Variants in ANAPC10 observed in about 807,000 individuals in gnomAD.
The protein encoded by ANAPC10 is anaphase-promoting complex subunit 10.
In ANAPC10, 12 loss-of-function variants were observed where a neutral mutation model predicts 22.0. The ratio of observed to expected loss-of-function variants is 0.55; its 90% CI spans 0.35 to 0.88. The LOEUF (loss-of-function observed/expected upper bound fraction) is 0.88. ANAPC10 is among the 40% of genes least tolerant of loss of function. The pLI, the probability that ANAPC10 is intolerant of heterozygous loss-of-function variation, is 0.01. For synonymous variants in ANAPC10, 65 were observed against 69.5 expected (o/e 0.94, Z 0.32); for missense variants, 188 against 220.9 (o/e 0.85, Z 0.94).
intron 4 of ANAPC10, among the ~76,000 whole-genome samples, chr4:145,054,080 T>C (rs2126349639): frequency 6.6e-6 from 1 of 151,756 alleles, no homozygotes; most frequent in East Asian, 2.0e-4. Flanking sequence ...AGCTAATTTT[T>C]CTAATTTTAG....
intron 4 of ANAPC10, among the ~76,000 whole-genome samples, chr4:145,026,137 C>T (rs1351718054): frequency 6.6e-6 from 1 of 152,162 alleles, no homozygotes; most frequent in East Asian, 1.9e-4. Context: ...CACCTCCCAT[C>T]CCTTGCCACG....
chr4:145,012,436 A>C (rs888796136), intron 4 of ANAPC10, among the ~76,000 whole-genome samples: 4 of 151,984 alleles, frequency 2.6e-5, no homozygotes, highest in Non-Finnish European at 5.9e-5. Flanking sequence ...CAAAAAGAAA[A>C]AATAAAGAAT....
At chr4:145,022,875 T>C (rs1231533686) in intron 4 of ANAPC10, among the ~76,000 whole-genome samples, 2 of 152,088 alleles carry the variant, frequency 1.3e-5, no homozygotes, top group East Asian at 3.9e-4. Context: ...TTCTTTTATG[T>C]ATTTTTGTAT....
At chr4:145,095,449 C>T (rs1396390353) in intron 2 of ANAPC10, among the ~76,000 whole-genome samples, 1 of 152,186 alleles carries the variant, frequency 6.6e-6, no homozygotes, top group Non-Finnish European at 1.5e-5. Flanking sequence ...TACTACCTGA[C>T]CGTTAGCCAT....
At chr4:145,054,168 A>G (rs1260805888) in intron 4 of ANAPC10, among the ~76,000 whole-genome samples, 1 of 150,916 alleles carries the variant, frequency 6.6e-6, no homozygotes, top group Non-Finnish European at 1.5e-5. Flanking sequence ...CGGCCTCCCA[A>G]AGTGCTGGTA....
chr4:145,062,404 G>C (rs1300304153), intron 4 of ANAPC10, among the ~76,000 whole-genome samples: 2 of 151,938 alleles, frequency 1.3e-5, no homozygotes, highest in African/African-American at 2.4e-5. Flanking sequence ...GCCGGAGTTC[G>C]AGACCAACCT....
At chr4:145,080,347 A>G (rs955366175) in intron 3 of ANAPC10, among the ~76,000 whole-genome samples, 2 of 152,158 alleles carry the variant, frequency 1.3e-5, no homozygotes, top group Non-Finnish European at 2.9e-5. Context: ...AAACTAAAAT[A>G]AAAGTCAGAA....
intron 4 of ANAPC10, among the ~76,000 whole-genome samples, chr4:145,006,688 T>G (rs2126887570): frequency 6.6e-6 from 1 of 152,296 alleles, no homozygotes; most frequent in South Asian, 2.1e-4. Flanking sequence ...TTTAAGATAG[T>G]AAGATAACAT....
Position 145,036,995 on chromosome 4 carries a change from CGTGTGTGTGTGTGTGTGTGTGTGT to C in ANAPC10, c.327+27553_327+27576del, listed in dbSNP as rs202100756. On this transcript the variant is annotated intron_variant, in intron 4 of 4. Coordinates refer to ENST00000507656, the MANE Select transcript of ANAPC10 (RefSeq NM_001256706.2). ...TCTATTTCTTATACCAAATAGATAA[CGTGTGTGTGTGTGTGTGTGTGTGT>C]GTGTGTGTGTGTGTGTGTGTATGTG... Among the ~76,000 whole-genome samples, 13 of 131,244 alleles carry C rather than the reference CGTGTGTGTGTGTGTGTGTGTGTGT, an allele frequency of 9.9e-5. No individual in the cohort carries two copies. In the East Asian group the frequency reaches 2.3e-3, roughly 24 times the overall value. 86.1% of individuals were successfully genotyped at this position (131,244 alleles called of 152,430 possible).
At chr4:145,013,581 G>T (rs948198016) in intron 4 of ANAPC10, among the ~76,000 whole-genome samples, 2 of 152,102 alleles carry the variant, frequency 1.3e-5, no homozygotes, top group East Asian at 3.9e-4. Flanking sequence ...ATGGTGGATG[G>T]GAGGCAGTAG....
chr4:145,008,420 C>T (rs901118099), intron 4 of ANAPC10, among the ~76,000 whole-genome samples: 44 of 152,078 alleles, frequency 2.9e-4, no homozygotes, highest in Non-Finnish European at 4.3e-4. Flanking sequence ...TGATGAACAT[C>T]GGTGCAAAAA....
intron 4 of ANAPC10, among the ~76,000 whole-genome samples, chr4:145,038,307 GT>G (rs1208763220): frequency 6.6e-6 from 1 of 152,154 alleles, no homozygotes; most frequent in Non-Finnish European, 1.5e-5. Context: ...GAAGTCAGGA[GT>G]TCAAGACCAG....
chr4:145,076,354 C>A lies in ANAPC10; in HGVS notation c.206+5306G>T, dbSNP rs62345095. 8.1e-3 allele frequency among the ~76,000 whole-genome samples: 1,234 copies of A among 152,300 alleles called. 12 individuals are homozygous for A. Among genetic ancestry groups the A allele is most frequent in the Middle Eastern group, 0.017 (5 of 294 alleles). On this transcript the variant is annotated intron_variant, in intron 3 of 4. Coordinates refer to ENST00000507656, the MANE Select transcript of ANAPC10 (RefSeq NM_001256706.2). ...GAGCTGAGCCTTGGTACCCTGAAAT[C>A]ATCCAGAAATGAAACTAGTCAACTA...
intron 2 of ANAPC10, among the ~76,000 whole-genome samples, chr4:145,091,810 A>G (rs187365443): frequency 9.7e-4 from 148 of 152,276 alleles, no homozygotes; most frequent in Non-Finnish European, 1.2e-4. Flanking sequence ...TTACATTTCC[A>G]CCAACACTGT....
At chr4:145,010,230 A>G (rs913925482) in intron 4 of ANAPC10, among the ~76,000 whole-genome samples, 1 of 152,116 alleles carries the variant, frequency 6.6e-6, no homozygotes, top group Non-Finnish European at 1.5e-5. Context: ...TGGTGGGACT[A>G]TAAACTAGTT....
chr4:145,006,276 T>G (rs1331537473), intron 4 of ANAPC10, among the ~76,000 whole-genome samples: 2 of 151,996 alleles, frequency 1.3e-5, no homozygotes, highest in East Asian at 3.9e-4. Flanking sequence ...CAACCCAGAC[T>G]TTTTATCTGA....
At chr4:145,056,477 CT>C in intron 4 of ANAPC10, among the ~76,000 whole-genome samples, 1 of 152,310 alleles carries the variant, frequency 6.6e-6, no homozygotes, top group South Asian at 2.1e-4. Flanking sequence ...CATTCCTCTA[CT>C]TCCTTAAAAA....
At chr4:145,041,651 A>G (rs1347886614) in intron 4 of ANAPC10, among the ~76,000 whole-genome samples, 2 of 152,230 alleles carry the variant, frequency 1.3e-5, no homozygotes, top group Admixed American at 6.5e-5. Flanking sequence ...TCTCTTCCAT[A>G]TTCTGGATTC....
intron 1 of ANAPC10, among the ~76,000 whole-genome samples, chr4:145,096,847 C>T (rs1281831878): frequency 6.6e-6 from 1 of 152,024 alleles, no homozygotes; most frequent in Non-Finnish European, 1.5e-5. Context: ...CATCACCCCA[C>T]TAAGATCCTC....
Sources: allele counts gnomAD v4.1 joint callset (sites outside exome capture counted in the v4.1 genomes callset), GRCh38; gene constraint gnomAD v4.1.1; transcripts MANE v1.5; gene names NCBI Gene and HGNC (gene_info 2026-07-23, HGNC 2026-07-21).